KCNQ1: variants seen among roughly 807,000 people sequenced by gnomAD.
The protein encoded by KCNQ1 is potassium voltage-gated channel subfamily KQT member 1.
Under a neutral mutation model 72.4 loss-of-function variants are expected in KCNQ1, and 49 were observed. That is an observed-to-expected ratio of 0.68 (90% CI 0.54 to 0.86). The LOEUF is 0.86. KCNQ1 is among the 40% of genes least tolerant of loss of function. KCNQ1 has a pLI of 0.00. For synonymous variants in KCNQ1, 450 were observed against 412.6 expected (o/e 1.09, Z -1.10); for missense variants, 790 against 945.1 (o/e 0.84, Z 2.15).
Position 2,723,513 on chromosome 11 carries a change from G to A in KCNQ1, c.1515-45331G>A, listed in dbSNP as rs1845707606. Among the ~76,000 whole-genome samples, 1 of 152,202 alleles carries A rather than the reference G, an allele frequency of 6.6e-6. No individual in the cohort carries two copies. Among genetic ancestry groups the A allele is most frequent in the South Asian group, 2.1e-4 (1 of 4,820 alleles). ...GCCCTACACAGGCAGCCCCACACCT[G>A]GTCCGCTGTTCTGTCCTTACTGTAG... On this transcript the variant is annotated intron_variant, in intron 11 of 15. Transcript: ENST00000155840. The surrounding 1 kb of genome is among the most constrained non-coding windows in gnomAD (Gnocchi z 4.2).
chr11:2,461,554 C>G, intron 1 of KCNQ1: 1 of 1,352,156 alleles, frequency 7.4e-7, no homozygotes, highest in Non-Finnish European at 9.8e-7. Flanking sequence ...GGTGCCGGGC[C>G]TGGATTTACT....
rs1249014320 is a variant in KCNQ1 at position 2,677,460 on chromosome 11, C to T, written c.1514+15379C>T. 16 of 398,350 alleles carry T rather than the reference C, an allele frequency of 4.0e-5. No individual in the cohort carries two copies. Among genetic ancestry groups the T allele is most frequent in the African/African-American group, 3.3e-4 (16 of 48,584 alleles). 24.7% of individuals were successfully genotyped at this position (398,350 alleles called of 1,614,324 possible). A position where few individuals can be genotyped will look rare whatever the true frequency, so the allele number is the denominator to read the frequency against. On this transcript the variant is annotated intron_variant, in intron 11 of 15. Coordinates refer to ENST00000155840, the MANE Select transcript of KCNQ1 (RefSeq NM_000218.3). The surrounding 1 kb of genome is among the most constrained non-coding windows in gnomAD (Gnocchi z 4.5). ...TAATTGATGCAGGTGGCCTCTTGGT[C>T]AAGCAGTGAAACCATGCCATACTTC...
At chr11:2,636,111 A>G (rs1849460096) in intron 10 of KCNQ1, 1 of 152,318 alleles carries the variant, frequency 6.6e-6, no homozygotes, top group East Asian at 1.9e-4. Context: ...TTCTAAATAT[A>G]CAATCATGTC....
At chr11:2,532,701 C>T (rs905619052) in intron 2 of KCNQ1, among the ~76,000 whole-genome samples, 1 of 152,116 alleles carries the variant, frequency 6.6e-6, no homozygotes, top group Admixed American at 6.5e-5. Flanking sequence ...AGGCAGGGAC[C>T]CCTCCCAGGG....
Position 2,478,618 on chromosome 11 carries a change from G to T in KCNQ1, c.386+33134G>T, listed in dbSNP as rs1846608281. Among the ~76,000 whole-genome samples, 1 of 152,094 alleles carries T rather than the reference G, an allele frequency of 6.6e-6. No homozygotes were observed. On this transcript the variant is annotated intron_variant, in intron 1 of 15. Coordinates refer to ENST00000155840, the MANE Select transcript of KCNQ1 (RefSeq NM_000218.3). This position sits in a 1 kb window ranked among gnomAD's most constrained non-coding sequence, Gnocchi z 4.0. ...CCATGATTCAATTATCTCCCACGAG[G>T]TCCCTCCCATGACACGTGGGAATTA...
At position 2,659,728 on chromosome 11, in the gene KCNQ1, T is replaced by C. The variant is rs75589036; in HGVS notation, c.1394-2233T>C. 0.013 allele frequency: 5,123 copies of C among 398,534 alleles called. 158 individuals are homozygous for C. The highest frequency in any genetic ancestry group is 0.08 in the East Asian group (2,231 of 28,044). 24.7% of individuals were successfully genotyped at this position (398,534 alleles called of 1,614,324 possible). On this transcript the variant is annotated intron_variant, in intron 10 of 15. Transcript: ENST00000155840. This position sits in a 1 kb window ranked among gnomAD's most constrained non-coding sequence, Gnocchi z 4.3. Reference sequence around the variant, plus strand: ...CATTCCCACCAGTAACATATGAGAGTTCTACATGTTCCACATCCTCAAGAG... The same window carrying C: ...CATTCCCACCAGTAACATATGAGAGCTCTACATGTTCCACATCCTCAAGAG...
chr11:2,751,799 C>G lies in KCNQ1; in HGVS notation c.1515-17045C>G, dbSNP rs536187684. Among the ~76,000 whole-genome samples, 11 of 152,382 alleles carry G rather than the reference C, an allele frequency of 7.2e-5. No homozygotes were observed. In the South Asian group the frequency reaches 2.3e-3, roughly 32 times the overall value. The stretch of plus-strand genomic sequence containing the variant: ...AGCCAAGGTGTTCAGCCGCCCTGTC[C>G]CCTACACAGAGTGCCTCTCCCACTG... On this transcript the variant is annotated intron_variant, in intron 11 of 15. Transcript: ENST00000155840.
intron 10 of KCNQ1, chr11:2,628,670 T>C (rs182079422): frequency 1.5e-5 from 6 of 398,436 alleles, no homozygotes; most frequent in African/African-American, 1.2e-4. Context: ...TTGCGTTTTA[T>C]TCCTTGTGCT....
chr11:2,551,191 A>G (rs1347464815), intron 2 of KCNQ1, among the ~76,000 whole-genome samples: 1 of 152,176 alleles, frequency 6.6e-6, no homozygotes, highest in East Asian at 1.9e-4. Context: ...GCAAACATTT[A>G]TGGTCCTGTA....
At position 2,547,016 on chromosome 11, in the gene KCNQ1, G is replaced by A. The variant is rs926214384; in HGVS notation, c.477+18998G>A. ...ACTCAAAACTTGTTTTTCATATGAA[G>A]CATATAGTTGAGTCTTATTTTGTGA... On this transcript the variant is annotated intron_variant, in intron 2 of 15. Coordinates refer to ENST00000155840, the MANE Select transcript of KCNQ1 (RefSeq NM_000218.3). This position sits in a 1 kb window ranked among gnomAD's most constrained non-coding sequence, Gnocchi z 4.2. Among the ~76,000 whole-genome samples, 1 of 152,136 alleles carries A rather than the reference G, an allele frequency of 6.6e-6. No individual in the cohort carries two copies. The highest frequency in any genetic ancestry group is 2.4e-5 in the African/African-American group (1 of 41,418).
In KCNQ1 at chr11:2,588,270, C is replaced by T. The variant is rs995863540; in HGVS notation, c.1252-443C>T. Among the ~76,000 whole-genome samples the T allele has an allele frequency of 1.3e-5, 2 of 152,054 alleles. No homozygotes were observed. The highest frequency in any genetic ancestry group is 2.4e-5 in the African/African-American group (1 of 41,376). On this transcript the variant is annotated intron_variant, in intron 9 of 15. Transcript: ENST00000155840. This position sits in a 1 kb window ranked among gnomAD's most constrained non-coding sequence, Gnocchi z 5.6. ...CCTGGCCTTCCCAGTTTCCAGCTGC[C>T]GGTGGAGCCTCCGTGCCTACTGTTC...
chr11:2,737,334 C>G (rs1845974570), intron 11 of KCNQ1, among the ~76,000 whole-genome samples: 2 of 152,186 alleles, frequency 1.3e-5, no homozygotes, highest in South Asian at 4.1e-4. Context: ...GCCCAGCCAC[C>G]TCTCTGTCCC....
In KCNQ1 at chr11:2,600,254, C is replaced by G. The variant is rs928924990; in HGVS notation, c.1393+11400C>G. Among the ~76,000 whole-genome samples the G allele has an allele frequency of 2.6e-5, 4 of 152,202 alleles. No individual in the cohort carries two copies. The highest frequency in any genetic ancestry group is 6.5e-5 in the Admixed American group (1 of 15,276). ...ATGTTGCTACATGTCCCCTGGAGGG[C>G]AAAATTGCCCCCAGTTGTGACCTGC... On this transcript the variant is annotated intron_variant, in intron 10 of 15. Transcript: ENST00000155840. This position sits in a 1 kb window ranked among gnomAD's most constrained non-coding sequence, Gnocchi z 5.6.
At chr11:2,551,816 G>A (rs567541025) in intron 2 of KCNQ1, among the ~76,000 whole-genome samples, 4 of 152,324 alleles carry the variant, frequency 2.6e-5, no homozygotes, top group Non-Finnish European at 4.4e-5. Flanking sequence ...GCCATATTCC[G>A]TCATGGTCTT....
At chr11:2,583,365 T>TGGGTTAGGCAGTTGGCCCTCCCGA in intron 6 of KCNQ1, 70 bp from the exon 7 acceptor site, 1 of 1,054,850 alleles carries the variant, frequency 9.5e-7, no homozygotes, top group Non-Finnish European at 1.5e-6. Context: ...GTGGTGGGTT[T>TGGGTTAGGCAGTTGGCCCTCCCGA]GGGTTAGGCA....
intron 2 of KCNQ1, among the ~76,000 whole-genome samples, chr11:2,539,088 G>A (rs1046894174): frequency 2.0e-5 from 3 of 152,176 alleles, no homozygotes; most frequent in African/African-American, 7.2e-5. Context: ...GGGTGGGGCA[G>A]CCGAGGCATG....
chr11:2,773,323 A>C (rs575948769), intron 12 of KCNQ1, among the ~76,000 whole-genome samples: 20 of 151,900 alleles, frequency 1.3e-4, no homozygotes, highest in Admixed American at 1.0e-3. Flanking sequence ...TCAGCAACTC[A>C]TCTTACAGAA....
rs925659544 is a variant in KCNQ1 at position 2,674,674 on chromosome 11, A to G, written c.1514+12593A>G. 2.5e-6 allele frequency: 1 copy of G among 398,516 alleles called. No individual in the cohort carries two copies. Among genetic ancestry groups the G allele is most frequent in the Non-Finnish European group, 4.4e-6 (1 of 226,058 alleles). 24.7% of individuals were successfully genotyped at this position (398,516 alleles called of 1,614,324 possible). On this transcript the variant is annotated intron_variant, in intron 11 of 15. Coordinates refer to ENST00000155840, the MANE Select transcript of KCNQ1 (RefSeq NM_000218.3). The surrounding 1 kb of genome is among the most constrained non-coding windows in gnomAD (Gnocchi z 5.9). ...CAGAACTTTTTGCAAAATAATTTGA[A>G]AAGTTTGTTGAACCTTAAACCTTTC...
intron 15 of KCNQ1, among the ~76,000 whole-genome samples, chr11:2,780,109 C>T (rs917434295): frequency 2.6e-5 from 4 of 152,166 alleles, no homozygotes; most frequent in Admixed American, 6.5e-5. Context: ...CACCCACAGT[C>T]GACACTAAAT....
Sources: gnomAD v4.1 joint callset for allele counts (sites outside exome capture counted in the v4.1 genomes callset) on GRCh38, gnomAD v4.1.1 for gene constraint, Gnocchi (gnomAD v3.1) non-coding constraint, MANE v1.5 for transcripts, NCBI Gene and HGNC (gene_info 2026-07-23, HGNC 2026-07-21) for gene names.